Variants in MARF1 observed in about 807,000 individuals in gnomAD.
MARF1 encodes meiosis regulator and mRNA stability factor 1.
A neutral mutation model predicts 168.2 loss-of-function variants in MARF1; 24 were observed. The ratio of observed to expected loss-of-function variants is 0.14; its 90% CI spans 0.10 to 0.20. The LOEUF is 0.20. Ranked by LOEUF, MARF1 falls within the 10% of genes least tolerant of loss-of-function variation. The pLI is 1.00. For synonymous variants in MARF1, 868 were observed against 822.4 expected (o/e 1.06, Z -0.95); for missense variants, 1,744 against 2,143.6 (o/e 0.81, Z 3.68).
intron 15 of MARF1, chr16:15,616,763 C>T (rs1474242648): frequency 5.8e-6 from 2 of 344,182 alleles, no homozygotes; most frequent in Admixed American, 8.9e-5. Flanking sequence ...TGTTACTGTA[C>T]TACACACTGT....
At position 15,610,865 on chromosome 16, in the gene MARF1, G is replaced by C. The variant is rs539329588; in HGVS notation, c.3751+110C>G. ...CAGTTTTCACACTGTGCTTTCTGTG[G>C]AATCTTCAGGAAGCACGGACAGGGA... On this transcript the variant is annotated intron_variant, in intron 19 of 26. Transcript: ENST00000396368. 233 of 1,038,112 alleles carry C rather than the reference G, an allele frequency of 2.2e-4. 4 individuals carry two copies. In the South Asian group the frequency reaches 3.3e-3, roughly 15 times the overall value. The allele number at this position is 1,038,112 out of a possible 1,614,324, so 64.3% of individuals were successfully genotyped here.
chr16:15,611,835 C>T, intron 17 of MARF1, 101 bp from the exon 18 acceptor site: 2 of 928,410 alleles, frequency 2.2e-6, no homozygotes, highest in South Asian at 1.7e-5. Flanking sequence ...AGCATGACTC[C>T]CTTTATGTAG....
At chr16:15,640,198 C>A (rs1276416396) in intron 1 of MARF1, among the ~76,000 whole-genome samples, 6 of 152,208 alleles carry the variant, frequency 3.9e-5, no homozygotes. Context: ...ACTTCTTGCA[C>A]TGGTTTCTTG....
intron 19 of MARF1, 56 bp downstream of exon 19, chr16:15,610,919 A>G: frequency 1.3e-6 from 2 of 1,550,438 alleles, no homozygotes; most frequent in Non-Finnish European, 1.8e-6. Flanking sequence ...ATGCCACACT[A>G]TGTTAAAATA....
At chr16:15,615,576 G>T (rs1265281968) in intron 16 of MARF1, among the ~76,000 whole-genome samples, 4 of 152,086 alleles carry the variant, frequency 2.6e-5, no homozygotes, top group Non-Finnish European at 5.9e-5. Flanking sequence ...AGTGAGCCGA[G>T]ATCGCACCAC....
At chr16:15,611,219 G>A in intron 18 of MARF1, 111 bp from the exon 19 acceptor site, 1 of 1,047,302 alleles carries the variant, frequency 9.5e-7, no homozygotes. Context: ...AGCACTTTGG[G>A]AGGCCGAGGT....
chr16:15,625,120 T>C lies in MARF1; in HGVS notation c.2007A>G (p.Gln669=). The change falls in exon 9 of 27, where the codon CAA becomes CAG. Residue 669 remains glutamine, a synonymous_variant. Transcript: ENST00000396368. The part of the protein sequence containing the change: ...KTGHRNSEHQ[Q]GHLRLVVPTH... ...TGGGTACGACCAGCCTCAGGTGACC[T>C]TGCTGGTGCTCACTGTTTCTATGAC... 6.2e-7 allele frequency: 1 copy of C among 1,614,144 alleles called. No individual in the cohort carries two copies. The highest frequency in any genetic ancestry group is 8.5e-7 in the Non-Finnish European group (1 of 1,180,010).
At chr16:15,642,768 G>A (rs1176855194) in intron 1 of MARF1, among the ~76,000 whole-genome samples, 1 of 152,170 alleles carries the variant, frequency 6.6e-6, no homozygotes, top group Non-Finnish European at 1.5e-5. Context: ...AGGGGCGGGC[G>A]GGGAGCCAAA....
intron 21 of MARF1, among the ~76,000 whole-genome samples, chr16:15,604,733 C>T (rs578061598): frequency 3.3e-5 from 5 of 152,024 alleles, no homozygotes; most frequent in African/African-American, 1.2e-4. Flanking sequence ...AGCTGATGGC[C>T]AGTGGTCCAA....
Position 15,608,279 on chromosome 16 carries a change from A to AAC in MARF1, c.4182+11_4182+12insGT. On this transcript the variant is annotated intron_variant, in intron 21 of 26. Coordinates refer to ENST00000396368, the MANE Select transcript of MARF1 (RefSeq NM_014647.4). ...ATGAGGGAAAAAAAAAAAAAAAAAA[A>AAC]AAAACATTTACCTTCACGACATGGC... 1 of 1,494,774 alleles carries AAC rather than the reference A, an allele frequency of 6.7e-7. No individual in the cohort carries two copies. 92.6% of individuals were successfully genotyped at this position (1,494,774 alleles called of 1,614,324 possible).
chr16:15,616,664 G>C (rs1484430666), intron 15 of MARF1: 1 of 179,086 alleles, frequency 5.6e-6, no homozygotes, highest in African/African-American at 2.4e-5. Context: ...AACATCATCA[G>C]GTGCACTTAT....
At chr16:15,632,238 T>C (rs1464557987) in intron 5 of MARF1, among the ~76,000 whole-genome samples, 1 of 152,218 alleles carries the variant, frequency 6.6e-6, no homozygotes, top group East Asian at 1.9e-4. Flanking sequence ...TTTGCTCTAA[T>C]AGCTTCTGCC....
chr16:15,617,223 T>G, intron 14 of MARF1, 52 bp from the exon 15 acceptor site: 1 of 1,611,252 alleles, frequency 6.2e-7, no homozygotes, highest in Non-Finnish European at 8.5e-7. Flanking sequence ...GGGTCTAAGA[T>G]GTTCACAAGG....
rs369360983 is a variant in MARF1 at position 15,623,037 on chromosome 16, G to A, written c.2357C>T (p.Pro786Leu). 1.2e-4 allele frequency: 186 copies of A among 1,611,112 alleles called. No individual in the cohort carries two copies. The highest frequency in any genetic ancestry group is 1.5e-4 in the Non-Finnish European group (175 of 1,177,554). ...NSSSEADCPD[P>L]FANGADVQVS... is the part of the protein sequence containing the mutation. ...TTGGACATCAGCACCATTTGCAAAT[G>A]GGTCTGGGCAGTCGGCTTCGCTGCT... The change falls in exon 11 of 27, where the codon CCA (proline) becomes CTA (leucine). Residue 786 changes from proline (P) to leucine (L), a missense_variant. Pro to Leu is a moderately conservative substitution (Grantham distance 98). This residue lies in a region of MARF1 where 270 missense variants were observed against 260.6 expected (regional missense o/e 1.04). Coordinates refer to ENST00000396368, the MANE Select transcript of MARF1 (RefSeq NM_014647.4).
At chr16:15,622,838 T>C in intron 11 of MARF1, 96 bp downstream of exon 11, 1 of 990,644 alleles carries the variant, frequency 1.0e-6, no homozygotes, top group Non-Finnish European at 1.5e-6. Flanking sequence ...GTCACACTTC[T>C]ATCCCGGCTG....
At chr16:15,610,853 G>A (rs951361977) in intron 19 of MARF1, 122 bp downstream of exon 19, 21 of 927,604 alleles carry the variant, frequency 2.3e-5, no homozygotes, top group African/African-American at 3.3e-5. Flanking sequence ...TTTTCACACT[G>A]TGCTTTCTGT....
chr16:15,615,791 G>C, intron 16 of MARF1, 39 bp downstream of exon 16: 2 of 1,440,222 alleles, frequency 1.4e-6, no homozygotes, highest in Non-Finnish European at 1.8e-6. Context: ...TCTCATAGTG[G>C]ACAGGTGGTA....
At chr16:15,609,838 T>C in intron 19 of MARF1, 113 bp from the exon 20 acceptor site, 1 of 861,210 alleles carries the variant, frequency 1.2e-6, no homozygotes, top group Non-Finnish European at 1.8e-6. Flanking sequence ...CATCCTTGCC[T>C]TCCAAACACA....
chr16:15,614,556 C>A (rs1329349890), intron 16 of MARF1, among the ~76,000 whole-genome samples: 12 of 146,908 alleles, frequency 8.2e-5, no homozygotes, highest in Non-Finnish European at 1.8e-4. Flanking sequence ...GAGGCTGAGG[C>A]GGGCGGATCA....
Sources: gnomAD v4.1 joint callset for allele counts (sites outside exome capture counted in the v4.1 genomes callset) on GRCh38, gnomAD v4.1.1 for gene constraint, gnomAD v4.1.1 regional missense constraint, MANE v1.5 for transcripts, NCBI Gene and HGNC (gene_info 2026-07-23, HGNC 2026-07-21) for gene names.